The following COL12A1 variants were observed in gnomAD, a reference collection of about 807,000 sequenced individuals.
COL12A1 encodes the protein collagen alpha-1(XII) chain.
COL12A1 carries 114 observed loss-of-function variants against 349.7 expected under a neutral mutation model. The observed-to-expected ratio is 0.33, with a 90% confidence interval of 0.28 to 0.38. The LOEUF is 0.38. Among genes scored for constraint, COL12A1 ranks in the 10% least tolerant of loss-of-function variants. The probability of loss-of-function intolerance (pLI) is 1.00; values close to 1 mark genes in which losing one functional copy is unlikely to be tolerated. For missense variants in COL12A1, 3,284 were observed against 3,756.9 expected (o/e 0.87, Z 3.29); for synonymous variants, 1,369 against 1,329.0 (o/e 1.03, Z -0.66).
intron 2 of COL12A1, among the ~76,000 whole-genome samples, chr6:75,202,517 A>T (rs1770583678): frequency 6.6e-6 from 1 of 152,228 alleles, no homozygotes; most frequent in Non-Finnish European, 1.5e-5. Context: ...GAATGCATTA[A>T]GCAGAATACG....
At position 75,146,163 on chromosome 6, in the gene COL12A1, G is replaced by A. The variant is rs1767182064; in HGVS notation, c.4499C>T (p.Ala1500Val). 6 of 1,613,440 alleles carry A rather than the reference G, an allele frequency of 3.7e-6. No homozygotes were observed. Among genetic ancestry groups the A allele is most frequent in the Admixed American group, 3.3e-5 (2 of 59,918 alleles). Reference sequence around the variant, plus strand: ...TTTGTATGACAAGATGTAGCCAGTAGCTCCTCCCACAGGCTGCCACTGCAC... The same window carrying A: ...TTTGTATGACAAGATGTAGCCAGTAACTCCTCCCACAGGCTGCCACTGCAC... ...MHVQWQPVGG[A>V]TGYILSYKPV... Residue 1500 changes from alanine (A) to valine (V), a missense_variant, in exon 24 of 66, where the codon GCT (alanine) becomes GTT (valine). This residue lies in a region of COL12A1 where 2,601 missense variants were observed against 2,824.8 expected (regional missense o/e 0.92). Coordinates refer to ENST00000322507, the MANE Select transcript of COL12A1 (RefSeq NM_004370.6).
intron 2 of COL12A1, among the ~76,000 whole-genome samples, chr6:75,197,313 CTT>C (rs111304837): frequency 1.5e-4 from 21 of 141,768 alleles, no homozygotes; most frequent in South Asian, 8.6e-4. Context: ...CTTTTCTTTT[CTT>C]TTTTTTTTTT....
Position 75,147,815 on chromosome 6 carries a change from A to T in COL12A1, c.4288-11T>A. 3.7e-6 allele frequency: 6 copies of T among 1,611,210 alleles called. No individual in the cohort carries two copies. Among genetic ancestry groups the T allele is most frequent in the Non-Finnish European group, 5.1e-6 (6 of 1,179,038 alleles). ...TCGACTCACATAAAACTAGGGGGAAAAATTAAACAGAGCAACAACGTATGT... is the reference window on the plus strand; with the variant it reads ...TCGACTCACATAAAACTAGGGGGAATAATTAAACAGAGCAACAACGTATGT... On this transcript the variant is annotated splice_polypyrimidine_tract_variant and intron_variant, in intron 22 of 65. Transcript: ENST00000322507.
chr6:75,103,202 T>C (rs1035261825), intron 55 of COL12A1, among the ~76,000 whole-genome samples: 6 of 152,224 alleles, frequency 3.9e-5, no homozygotes, highest in African/African-American at 1.4e-4. Flanking sequence ...GTTAGCATCC[T>C]AATCTTGCCC....
At chr6:75,146,839 T>C (rs1304746873) in intron 23 of COL12A1, among the ~76,000 whole-genome samples, 4 of 152,202 alleles carry the variant, frequency 2.6e-5, no homozygotes, top group Non-Finnish European at 4.4e-5. Flanking sequence ...CTGCCAGTTA[T>C]AAAATACATT....
rs575195703 is a variant in COL12A1, at chr6:75,102,167, C to G, written c.8416-115G>C. ...ACTTCATAAATCCAGTGTAAGCGTT[C>G]AGAATGAGCACAGAAGGGTATTTTT... On this transcript the variant is annotated intron_variant, in intron 56 of 65. Coordinates refer to ENST00000322507, the MANE Select transcript of COL12A1 (RefSeq NM_004370.6). 1.1e-4 allele frequency: 103 copies of G among 949,564 alleles called. 1 individual carries two copies. Among genetic ancestry groups the G allele is most frequent in the South Asian group, 6.1e-4 (40 of 65,726 alleles). The allele number at this position is 949,564 out of a possible 1,614,324, so 58.8% of individuals were successfully genotyped here.
intron 31 of COL12A1, 81 bp from the exon 32 acceptor site, chr6:75,134,936 G>A (rs757385174): frequency 2.8e-6 from 4 of 1,451,244 alleles, no homozygotes; most frequent in Admixed American, 3.7e-5. Flanking sequence ...CTTTCTACAG[G>A]GAAGCTGTTT....
chr6:75,126,223 T>C, intron 39 of COL12A1, 128 bp downstream of exon 39: 3 of 1,052,732 alleles, frequency 2.8e-6, no homozygotes, highest in Admixed American at 2.7e-5. Context: ...ACATTGCCTT[T>C]GGTTACAGGA....
intron 8 of COL12A1, among the ~76,000 whole-genome samples, chr6:75,187,969 T>C (rs1321811261): frequency 1.3e-5 from 2 of 152,134 alleles, no homozygotes; most frequent in African/African-American, 4.8e-5. Context: ...AGCAGAAACA[T>C]TGTTATTATT....
At position 75,123,982 on chromosome 6, in the gene COL12A1, G is replaced by T. The variant is rs754181144; in HGVS notation, c.6837C>A (p.Leu2279=). ...CTTTAACAGAGACTCCTGGTCCCTCGAGATTTGGTGTCTGCACAAAAACAG... is the reference window on the plus strand; with the variant it reads ...CTTTAACAGAGACTCCTGGTCCCTCTAGATTTGGTGTCTGCACAAAAACAG... ...GVTVFVQTPN[L]EGPGVSVKEH... The change falls in exon 42 of 66, where the codon CTC becomes CTA. Residue 2279 remains leucine (L), a synonymous_variant. Coordinates refer to ENST00000322507, the MANE Select transcript of COL12A1 (RefSeq NM_004370.6). The T allele has an allele frequency of 3.1e-6, 5 of 1,613,378 alleles. No individual in the cohort carries two copies. In the East Asian group the frequency reaches 1.1e-4, roughly 36 times the overall value.
At chr6:75,126,259 G>T in intron 39 of COL12A1, 92 bp downstream of exon 39, 1 of 1,424,062 alleles carries the variant, frequency 7.0e-7, no homozygotes, top group South Asian at 1.4e-5. Flanking sequence ...GAACTCTCAG[G>T]AGAACCCAAC....
intron 36 of COL12A1, 30 bp from the exon 37 acceptor site, chr6:75,130,263 T>C (rs1378217383): frequency 6.2e-7 from 1 of 1,606,672 alleles, no homozygotes; most frequent in Non-Finnish European, 8.5e-7. Context: ...TAGAGTTTGT[T>C]GCCTGCCTGT....
chr6:75,150,457 G>A (rs1767424163), intron 21 of COL12A1, among the ~76,000 whole-genome samples: 2 of 151,990 alleles, frequency 1.3e-5, no homozygotes, highest in South Asian at 4.1e-4. Flanking sequence ...TTCTTCACTG[G>A]TAAAAAGAGG....
rs529803496 is a variant in COL12A1 at position 75,185,213 on chromosome 6, A to C, written c.998-1069T>G. 1.3e-4 allele frequency among the ~76,000 whole-genome samples: 20 copies of C among 152,320 alleles called. No individual in the cohort carries two copies. The Middle Eastern group carries it at 0.01, about 78-fold the overall frequency. ...TGTTTGCAGATGACATAATCCCTCT[A>C]GAAAACTGCAATGTCTCAGCCCAAA... On this transcript the variant is annotated intron_variant, in intron 8 of 65. Coordinates refer to ENST00000322507, the MANE Select transcript of COL12A1 (RefSeq NM_004370.6).
rs771575587 is a variant in COL12A1 at position 75,177,834 on chromosome 6, T to C, written c.2266A>G (p.Ile756Val). 1.2e-5 allele frequency: 19 copies of C among 1,614,138 alleles called. No homozygotes were observed. The East Asian group carries it at 4.2e-4, about 36-fold the overall frequency. Reference sequence around the variant, plus strand: ...TCTCCACCAGCAACTGGTCTATATATAATTCGATATCTTAAAACTCTCCCT... The same window carrying C: ...TCTCCACCAGCAACTGGTCTATATACAATTCGATATCTTAAAACTCTCCCT... The part of the protein sequence containing the change: ...APGRVLRYRI[I>V]YRPVAGGESR... Residue 756 changes from isoleucine to valine, a missense_variant, in exon 12 of 66, where the codon ATA becomes GTA. By Grantham distance (29) the Ile-to-Val change is conservative. This residue lies in a region of COL12A1 where 2,601 missense variants were observed against 2,824.8 expected (regional missense o/e 0.92). Coordinates refer to ENST00000322507, the MANE Select transcript of COL12A1 (RefSeq NM_004370.6).
Position 75,152,018 on chromosome 6 carries a change from A to G in COL12A1, c.3849T>C (p.Asn1283=). The G allele has an allele frequency of 6.2e-7, 1 of 1,613,838 alleles. No homozygotes were observed. The highest frequency in any genetic ancestry group is 8.5e-7 in the Non-Finnish European group (1 of 1,179,800). ...TCCTGAAGTTCTGTTGGCGAATGAA[A>G]TTCAAAGCCATGCCTAGTGGGATTT... ...GGNTLTGMAL[N]FIRQQNFRTQ... The change falls in exon 20 of 66, where the codon AAT becomes AAC. Residue 1283 remains asparagine, a synonymous_variant. Coordinates refer to ENST00000322507, the MANE Select transcript of COL12A1 (RefSeq NM_004370.6).
intron 60 of COL12A1, among the ~76,000 whole-genome samples, chr6:75,094,562 G>C (rs1465374119): frequency 6.6e-6 from 1 of 152,102 alleles, no homozygotes; most frequent in Non-Finnish European, 1.5e-5. Flanking sequence ...ATCTGCATAA[G>C]AGAAAGTTAA....
intron 60 of COL12A1, among the ~76,000 whole-genome samples, chr6:75,092,839 A>G (rs544182374): frequency 6.6e-6 from 1 of 151,126 alleles, no homozygotes; most frequent in Admixed American, 6.6e-5. Flanking sequence ...TACATGGTCC[A>G]TATGATCATC....
chr6:75,138,606 C>T, intron 28 of COL12A1, 26 bp from the exon 29 acceptor site: 1 of 1,610,074 alleles, frequency 6.2e-7, no homozygotes, highest in African/African-American at 1.3e-5. Context: ...CAAAAACATA[C>T]CCACGCAAAA....
Sources: gnomAD v4.1 joint callset for allele counts (sites outside exome capture counted in the v4.1 genomes callset) on GRCh38, gnomAD v4.1.1 for gene constraint, gnomAD v4.1.1 regional missense constraint, MANE v1.5 for transcripts, NCBI Gene and HGNC (gene_info 2026-07-23, HGNC 2026-07-21) for gene names.